RANBP17: variants seen among roughly 807,000 people sequenced by gnomAD.
RANBP17 encodes RAN binding protein 17.
A neutral mutation model predicts 141.2 loss-of-function variants in RANBP17; 158 were observed. That is an observed-to-expected ratio of 1.12 (90% CI 0.98 to 1.28). The LOEUF is 1.28. Among genes scored for constraint, RANBP17 ranks in the 50% most tolerant of loss-of-function variants. RANBP17 has a pLI of 0.00. For missense variants in RANBP17, 1,438 were observed against 1,290.7 expected (o/e 1.11, Z -1.75); for synonymous variants, 430 against 450.0 (o/e 0.96, Z 0.56).
At chr5:171,102,956 G>C (rs1034792872) in intron 14 of RANBP17, among the ~76,000 whole-genome samples, 3 of 152,144 alleles carry the variant, frequency 2.0e-5, no homozygotes, top group Non-Finnish European at 4.4e-5. Context: ...ATTGCTGCCT[G>C]TTTGTTCCTC....
At chr5:171,077,279 G>A (rs1309830378) in intron 14 of RANBP17, among the ~76,000 whole-genome samples, 3 of 151,958 alleles carry the variant, frequency 2.0e-5, no homozygotes, top group Non-Finnish European at 4.4e-5. Context: ...GGCCGAGCTT[G>A]AAGTGAGCCG....
chr5:170,930,563 CCCCCA>C, intron 12 of RANBP17, among the ~76,000 whole-genome samples: 1 of 151,964 alleles, frequency 6.6e-6, no homozygotes, highest in African/African-American at 2.4e-5. Flanking sequence ...CTCCCCGCTC[CCCCCA>C]CTCCCCGGCA....
chr5:171,063,776 C>T (rs942032802), intron 14 of RANBP17, among the ~76,000 whole-genome samples: 2 of 152,216 alleles, frequency 1.3e-5, no homozygotes, highest in Non-Finnish European at 2.9e-5. Flanking sequence ...GTGGAGCCTA[C>T]AGAGGCAGGC....
intron 22 of RANBP17, among the ~76,000 whole-genome samples, chr5:171,235,630 G>T (rs1052771202): frequency 1.3e-5 from 2 of 151,966 alleles, no homozygotes; most frequent in African/African-American, 2.4e-5. Flanking sequence ...TCAAGATGGG[G>T]TCTCACTCTC....
At chr5:171,232,793 C>T (rs1004271555) in intron 22 of RANBP17, among the ~76,000 whole-genome samples, 5 of 152,148 alleles carry the variant, frequency 3.3e-5, no homozygotes, top group Admixed American at 3.3e-4. Context: ...TCTATGTTAA[C>T]ATATATAAAT....
chr5:171,185,097 A>T (rs1349323578), intron 18 of RANBP17, among the ~76,000 whole-genome samples: 1 of 152,210 alleles, frequency 6.6e-6, no homozygotes, highest in African/African-American at 2.4e-5. Context: ...CAGGAGGTAG[A>T]GGTTGCAGTG....
chr5:170,911,733 G>C (rs539640814), intron 7 of RANBP17, among the ~76,000 whole-genome samples: 1 of 152,008 alleles, frequency 6.6e-6, no homozygotes, highest in East Asian at 1.9e-4. Context: ...ATATCTTTCA[G>C]GGTTATAAAG....
chr5:171,058,977 T>C (rs1783608241), intron 14 of RANBP17, among the ~76,000 whole-genome samples: 1 of 152,080 alleles, frequency 6.6e-6, no homozygotes, highest in African/African-American at 2.4e-5. Context: ...GAAGTGTCTG[T>C]TCATGTCCTT....
chr5:171,260,240 G>T (rs1766206976), intron 24 of RANBP17, among the ~76,000 whole-genome samples: 1 of 149,152 alleles, frequency 6.7e-6, no homozygotes, highest in Non-Finnish European at 1.5e-5. Context: ...GGTAGAGGTT[G>T]CAGTGAGCCG....
chr5:171,128,396 TCAAA>T (rs1756656031), intron 14 of RANBP17, among the ~76,000 whole-genome samples: 1 of 151,996 alleles, frequency 6.6e-6, no homozygotes, highest in East Asian at 1.9e-4. Flanking sequence ...TTATATTAAG[TCAAA>T]CAAGCAGGCA....
At chr5:171,084,419 CAT>C (rs1314172318) in intron 14 of RANBP17, among the ~76,000 whole-genome samples, 1 of 126,234 alleles carries the variant, frequency 7.9e-6, no homozygotes, top group Admixed American at 8.6e-5. Context: ...CCACAATAAA[CAT>C]ATGTGTGCAT....
intron 14 of RANBP17, among the ~76,000 whole-genome samples, chr5:170,988,258 G>C (rs1024442446): frequency 6.7e-6 from 1 of 150,086 alleles, no homozygotes; most frequent in Non-Finnish European, 1.5e-5. Context: ...TTTTTGGATT[G>C]TTCTCGAGTA....
intron 24 of RANBP17, among the ~76,000 whole-genome samples, chr5:171,246,001 C>G (rs1027432083): frequency 1.3e-5 from 2 of 151,868 alleles, no homozygotes; most frequent in Non-Finnish European, 2.9e-5. Flanking sequence ...ACCTCAGCCT[C>G]CCAAGTACCT....
intron 14 of RANBP17, among the ~76,000 whole-genome samples, chr5:171,012,200 G>A (rs1780106331): frequency 6.6e-6 from 1 of 151,822 alleles, no homozygotes; most frequent in Non-Finnish European, 1.5e-5. Flanking sequence ...AAATTGTTTT[G>A]CAAAAAGAGC....
intron 14 of RANBP17, among the ~76,000 whole-genome samples, chr5:171,018,948 T>A (rs1183169793): frequency 6.6e-6 from 1 of 152,212 alleles, no homozygotes; most frequent in Non-Finnish European, 1.5e-5. Flanking sequence ...CCTAGTTTAT[T>A]GAGAGTTTTT....
Position 171,280,890 on chromosome 5 carries a change from A to G in RANBP17, c.2944-12993A>G, listed in dbSNP as rs376804769. 5.3e-5 allele frequency among the ~76,000 whole-genome samples: 8 copies of G among 152,272 alleles called. No homozygotes were observed. The East Asian group carries it at 1.2e-3, about 22-fold the overall frequency. The stretch of plus-strand genomic sequence containing the variant: ...TTCTCCATATTTGTTGGGACTTTCT[A>G]TTTTACAGCAATCAGGGCAGACAGG... On this transcript the variant is annotated intron_variant, in intron 25 of 27. Coordinates refer to ENST00000523189, the MANE Select transcript of RANBP17 (RefSeq NM_022897.5).
intron 14 of RANBP17, among the ~76,000 whole-genome samples, chr5:171,002,157 A>G (rs571914703): frequency 3.4e-4 from 52 of 152,256 alleles, no homozygotes; most frequent in African/African-American, 1.2e-3. Context: ...TGTAACCTAC[A>G]TGGAAGAGGT....
chr5:170,873,611 A>G (rs1767933168), intron 1 of RANBP17, among the ~76,000 whole-genome samples: 1 of 151,778 alleles, frequency 6.6e-6, no homozygotes, highest in Non-Finnish European at 1.5e-5. Flanking sequence ...TTTCTTCTAG[A>G]TTTTCTAGTT....
chr5:170,903,220 G>T (rs1317901375), intron 5 of RANBP17, among the ~76,000 whole-genome samples: 2 of 152,238 alleles, frequency 1.3e-5, no homozygotes, highest in African/African-American at 4.8e-5. Context: ...ATCTACAGAG[G>T]CAGTCTGGCT....
Sources: gnomAD v4.1 joint callset for allele counts (sites outside exome capture counted in the v4.1 genomes callset) on GRCh38, gnomAD v4.1.1 for gene constraint, MANE v1.5 for transcripts, NCBI Gene and HGNC (gene_info 2026-07-23, HGNC 2026-07-21) for gene names.